The following TRHDE variants were observed in gnomAD, a reference collection of about 807,000 sequenced individuals.
TRHDE encodes thyrotropin-releasing hormone-degrading ectoenzyme.
A neutral mutation model predicts 125.7 loss-of-function variants in TRHDE; 72 were observed. That is an observed-to-expected ratio of 0.57 (90% CI 0.47 to 0.70). The LOEUF (loss-of-function observed/expected upper bound fraction) is 0.70, where lower values mean the gene tolerates loss of function less well. Ranked by LOEUF, TRHDE falls within the 30% of genes least tolerant of loss-of-function variation. TRHDE has a pLI of 0.00. For missense variants in TRHDE, 1,110 were observed against 1,327.1 expected, an observed-to-expected ratio of 0.84 and a Z score of 2.54; for synonymous variants, 509 against 509.1, an observed-to-expected ratio of 1.00 and a Z score of 0.00.
chr12:72,172,547 G>T (rs1211315108), intron 2 of TRHDE, among the ~76,000 whole-genome samples: 1 of 152,124 alleles, frequency 6.6e-6, no homozygotes, highest in African/African-American at 2.4e-5. Flanking sequence ...TTCCAGTTTA[G>T]ATTCAAGGGT....
chr12:72,628,195 A>T (rs753588877), intron 15 of TRHDE, among the ~76,000 whole-genome samples: 18 of 151,944 alleles, frequency 1.2e-4, no homozygotes, highest in Non-Finnish European at 2.7e-4. Context: ...TGCTAATCAG[A>T]CGTCAGATGT....
intron 5 of TRHDE, 56 bp downstream of exon 5, chr12:72,473,236 T>G: frequency 7.4e-7 from 1 of 1,348,524 alleles, no homozygotes; most frequent in Non-Finnish European, 1.1e-6. Flanking sequence ...TAGTGTTACA[T>G]TAGGCTTATA....
intron 2 of TRHDE, among the ~76,000 whole-genome samples, chr12:72,321,299 T>A (rs1401465694): frequency 6.6e-6 from 1 of 152,142 alleles, no homozygotes; most frequent in Non-Finnish European, 1.5e-5. Context: ...AGCTGATGGC[T>A]TCTAGGAAAG....
chr12:72,273,141 G>C lies in TRHDE; in HGVS notation c.498G>C (p.Ser166=). 1.3e-6 allele frequency: 2 copies of C among 1,562,688 alleles called. No individual in the cohort carries two copies. The highest frequency in any genetic ancestry group is 1.2e-5 in the South Asian group (1 of 84,920). The change falls in exon 1 of 19, where the codon TCG becomes TCC. Residue 166 remains serine, a synonymous_variant. Coordinates refer to ENST00000261180, the MANE Select transcript of TRHDE (RefSeq NM_013381.3). This position sits in a 1 kb window ranked among gnomAD's most constrained non-coding sequence, Gnocchi z 5.3. The stretch of plus-strand genomic sequence containing the variant: ...GGGTGGCCAGTCCGGGGACCACGTC[G>C]GCCCAGCCGCCGTCGGAGGAGGAGC... ...AGGVASPGTT[S]AQPPSEEERE...
chr12:72,231,357 CAT>C (rs1878242047), intron 2 of TRHDE, among the ~76,000 whole-genome samples: 1 of 152,136 alleles, frequency 6.6e-6, no homozygotes, highest in African/African-American at 2.4e-5. Flanking sequence ...GTTTGAAAAA[CAT>C]ATTATGCAGT....
At chr12:72,303,525 A>T (rs1037578408) in intron 2 of TRHDE, among the ~76,000 whole-genome samples, 3 of 152,118 alleles carry the variant, frequency 2.0e-5, no homozygotes, top group Admixed American at 2.0e-4. Flanking sequence ...CAAAATTCAC[A>T]TTTGTGAACT....
intron 1 of TRHDE, among the ~76,000 whole-genome samples, chr12:72,093,242 T>G (rs1455289037): frequency 6.6e-6 from 1 of 152,206 alleles, no homozygotes; most frequent in Non-Finnish European, 1.5e-5. Flanking sequence ...TCTTGCTGCA[T>G]TCAAAATTTC....
intron 7 of TRHDE, among the ~76,000 whole-genome samples, chr12:72,555,026 AAG>A (rs1193612424): frequency 8.5e-5 from 13 of 152,258 alleles, no homozygotes; most frequent in African/African-American, 3.1e-4. Context: ...GCAAACAAGC[AAG>A]AAAAACTTTC....
intron 15 of TRHDE, among the ~76,000 whole-genome samples, chr12:72,634,566 A>G (rs932443877): frequency 6.6e-5 from 10 of 151,856 alleles, no homozygotes; most frequent in African/African-American, 2.2e-4. Context: ...TTACTTACAT[A>G]TGTATACATG....
chr12:72,362,332 C>T (rs1871134603), intron 2 of TRHDE, among the ~76,000 whole-genome samples: 1 of 150,014 alleles, frequency 6.7e-6, no homozygotes, highest in South Asian at 2.1e-4. Context: ...AGCATTTTTT[C>T]ATGTGTTTTT....
At chr12:72,124,100 C>T (rs1333524221) in intron 2 of TRHDE, among the ~76,000 whole-genome samples, 1 of 152,120 alleles carries the variant, frequency 6.6e-6, no homozygotes, top group Non-Finnish European at 1.5e-5. Flanking sequence ...AGATACCAGG[C>T]ACCTCCTGTA....
chr12:72,183,119 C>T (rs1877127761), intron 2 of TRHDE, among the ~76,000 whole-genome samples: 1 of 152,112 alleles, frequency 6.6e-6, no homozygotes, highest in African/African-American at 2.4e-5. Flanking sequence ...TTATAACAAA[C>T]TTCTATTACT....
intron 2 of TRHDE, among the ~76,000 whole-genome samples, chr12:72,134,302 C>G (rs901773776): frequency 1.3e-5 from 2 of 152,050 alleles, no homozygotes; most frequent in African/African-American, 4.8e-5. Flanking sequence ...CCTGACATAC[C>G]TGCAGAATCG....
At chr12:72,412,318 G>C (rs945105561) in intron 3 of TRHDE, among the ~76,000 whole-genome samples, 5 of 152,060 alleles carry the variant, frequency 3.3e-5, no homozygotes. Flanking sequence ...TGGTCAATGT[G>C]TATATAAAAA....
At chr12:72,186,186 A>C (rs1412102314) in intron 2 of TRHDE, 1 of 159,332 alleles carries the variant, frequency 6.3e-6, no homozygotes, top group Admixed American at 6.5e-5. Context: ...TGCTGCTTTT[A>C]TGAACTGTAA....
chr12:72,144,090 A>G (rs1876174343), intron 2 of TRHDE, among the ~76,000 whole-genome samples: 1 of 152,156 alleles, frequency 6.6e-6, no homozygotes, highest in Admixed American at 6.5e-5. Flanking sequence ...CTGTTCACCT[A>G]TGGCATCTTG....
intron 2 of TRHDE, among the ~76,000 whole-genome samples, chr12:72,148,927 G>A (rs1876289715): frequency 6.6e-6 from 1 of 152,136 alleles, no homozygotes; most frequent in Non-Finnish European, 1.5e-5. Context: ...TGAACAGACA[G>A]CTCCATATAG....
At chr12:72,089,052 A>T (rs1056640994) in intron 1 of TRHDE, among the ~76,000 whole-genome samples, 1 of 152,052 alleles carries the variant, frequency 6.6e-6, no homozygotes, top group Non-Finnish European at 1.5e-5. Flanking sequence ...TCCTTTACCC[A>T]TTGCCTTCCC....
In TRHDE at chr12:72,489,281, T is replaced by G. The variant is rs149310865; in HGVS notation, c.1585-10217T>G. ...TAGCCTAATTAAGAAAAAAGAAGAC[T>G]CAAACAAAAAACAAAAAAAATTAAA... On this transcript the variant is annotated intron_variant, in intron 5 of 18. Coordinates refer to ENST00000261180, the MANE Select transcript of TRHDE (RefSeq NM_013381.3). 1.5e-3 allele frequency among the ~76,000 whole-genome samples: 219 copies of G among 145,416 alleles called. 1 individual carries two copies. Among genetic ancestry groups the G allele is most frequent in the African/African-American group, 5.3e-3 (211 of 39,622 alleles).
Sources: gnomAD v4.1 joint callset for allele counts (sites outside exome capture counted in the v4.1 genomes callset) on GRCh38, gnomAD v4.1.1 for gene constraint, Gnocchi (gnomAD v3.1) non-coding constraint, MANE v1.5 for transcripts, NCBI Gene and HGNC (gene_info 2026-07-23, HGNC 2026-07-21) for gene names.